The following PCDH15 variants were observed in gnomAD, a reference collection of about 807,000 sequenced individuals.
PCDH15 encodes protocadherin related 15, also known as protocadherin-15.
A neutral mutation model predicts 178.5 loss-of-function variants in PCDH15; 129 were observed. The observed-to-expected ratio is 0.72, with a 90% CI of 0.63 to 0.84. The LOEUF is 0.84. PCDH15 is among the 40% of genes least tolerant of loss of function. The pLI, the probability that PCDH15 is intolerant of heterozygous loss-of-function variation, is 0.00. For synonymous variants in PCDH15, 800 were observed against 732.0 expected (o/e 1.09, Z -1.50); for missense variants, 2,230 against 2,099.9 (o/e 1.06, Z -1.21).
intron 1 of PCDH15, among the ~76,000 whole-genome samples, chr10:54,774,283 C>T (rs1276836668): frequency 6.6e-6 from 1 of 151,988 alleles, no homozygotes. Flanking sequence ...CTGCCTCGGC[C>T]TCCCAAAGTG....
Position 53,918,713 on chromosome 10 carries a change from AACACACACAC to A in PCDH15, c.3374-15353_3374-15344del, listed in dbSNP as rs5741702. Among the ~76,000 whole-genome samples the A allele has an allele frequency of 7.1e-3, 1,045 of 147,058 alleles. 4 individuals carry two copies. Among genetic ancestry groups the A allele is most frequent in the African/African-American group, 0.015 (615 of 39,866 alleles). ...CTCTGTCCTTTAATGCAAATACACAAACACACACACACACACACACACACACACACACACA... is the reference window on the plus strand; with the variant it reads ...CTCTGTCCTTTAATGCAAATACACAAACACACACACACACACACACACACA... On this transcript the variant is annotated intron_variant, in intron 25 of 37. Transcript: ENST00000644397.
chr10:54,383,623 GTGTTTT>G (rs138936413), intron 3 of PCDH15, among the ~76,000 whole-genome samples: 34,118 of 112,890 alleles, frequency 0.3, 4,753 homozygotes, highest in East Asian at 0.68. Flanking sequence ...CCGTGTATGT[GTGTTTT>G]TGTGTGTGTG....
At chr10:53,824,786 C>T (rs1216228500) in intron 32 of PCDH15, among the ~76,000 whole-genome samples, 1 of 151,934 alleles carries the variant, frequency 6.6e-6, no homozygotes, top group Admixed American at 6.6e-5. Context: ...ATAACAATAT[C>T]ACATCACTTT....
At chr10:54,783,956 G>A (rs990197375) in intron 1 of PCDH15, among the ~76,000 whole-genome samples, 13 of 152,110 alleles carry the variant, frequency 8.5e-5, no homozygotes, top group Admixed American at 2.0e-4. Context: ...GAGGCATCAG[G>A]AAACTTACAA....
chr10:55,085,915 C>T (rs1007257523), intron 2 of PCDH15, among the ~76,000 whole-genome samples: 6 of 151,440 alleles, frequency 4.0e-5, no homozygotes, highest in African/African-American at 1.5e-4. Flanking sequence ...ATGTTGATGA[C>T]TATTTAGTTA....
At chr10:54,095,958 C>T (rs1024826149) in intron 15 of PCDH15, among the ~76,000 whole-genome samples, 4 of 152,058 alleles carry the variant, frequency 2.6e-5, no homozygotes, top group African/African-American at 9.7e-5. Flanking sequence ...CAAAATGACG[C>T]ATCCAAATAA....
At chr10:54,232,584 A>G (rs913763096) in intron 9 of PCDH15, among the ~76,000 whole-genome samples, 1 of 152,136 alleles carries the variant, frequency 6.6e-6, no homozygotes, top group African/African-American at 2.4e-5. Flanking sequence ...GTCTACCCCA[A>G]TTTTTTATTT....
chr10:54,745,337 G>T (rs561227194), intron 1 of PCDH15, among the ~76,000 whole-genome samples: 1 of 147,834 alleles, frequency 6.8e-6, no homozygotes, highest in African/African-American at 2.5e-5. Context: ...TCAAAGAAAA[G>T]ATTAAATGAG....
intron 1 of PCDH15, among the ~76,000 whole-genome samples, chr10:54,711,428 A>T (rs1021932690): frequency 2.0e-5 from 3 of 151,960 alleles, no homozygotes; most frequent in Non-Finnish European, 2.9e-5. Flanking sequence ...CTTGATTTAT[A>T]GGGAGTATAT....
chr10:54,843,299 G>T (rs1053347414), intron 3 of PCDH15, among the ~76,000 whole-genome samples: 2 of 151,908 alleles, frequency 1.3e-5, no homozygotes, highest in Non-Finnish European at 2.9e-5. Flanking sequence ...GCCAAACAAA[G>T]GTACCTCCTA....
intron 3 of PCDH15, among the ~76,000 whole-genome samples, chr10:54,464,652 T>C (rs1256366680): frequency 6.6e-6 from 1 of 152,196 alleles, no homozygotes; most frequent in Non-Finnish European, 1.5e-5. Context: ...TCAACATAGG[T>C]ACCTTATCCC....
intron 21 of PCDH15, among the ~76,000 whole-genome samples, chr10:53,987,678 CAGG>C (rs1358531672): frequency 1.3e-5 from 2 of 152,144 alleles, no homozygotes; most frequent in African/African-American, 4.8e-5. Flanking sequence ...AAGGCAGCAT[CAGG>C]AGACCAGAGG....
At chr10:55,517,675 T>C (rs1463829821) in intron 2 of PCDH15, among the ~76,000 whole-genome samples, 1 of 152,166 alleles carries the variant, frequency 6.6e-6, no homozygotes, top group African/African-American at 2.4e-5. Flanking sequence ...TAATAAAACT[T>C]AAGTTCATGC....
chr10:54,158,284 G>A (rs2045358555), intron 13 of PCDH15, among the ~76,000 whole-genome samples: 1 of 152,180 alleles, frequency 6.6e-6, no homozygotes, highest in Non-Finnish European at 1.5e-5. Context: ...TGGCGGGGAG[G>A]TCTCACAATC....
chr10:54,498,844 C>G (rs1425425288), intron 3 of PCDH15, among the ~76,000 whole-genome samples: 2 of 152,104 alleles, frequency 1.3e-5, no homozygotes, highest in African/African-American at 4.8e-5. Flanking sequence ...ACAGGCTATA[C>G]AGGAAGCACG....
intron 2 of PCDH15, among the ~76,000 whole-genome samples, chr10:55,071,110 G>A (rs1238742293): frequency 1.3e-5 from 2 of 152,078 alleles, no homozygotes; most frequent in East Asian, 1.9e-4. Context: ...ACTAAACATG[G>A]AAAGGAACAA....
chr10:55,010,272 C>T (rs1330856334), intron 2 of PCDH15, among the ~76,000 whole-genome samples: 3 of 151,960 alleles, frequency 2.0e-5, no homozygotes, highest in Non-Finnish European at 2.9e-5. Context: ...GACTAAGGGG[C>T]TATTATCCAT....
intron 21 of PCDH15, among the ~76,000 whole-genome samples, chr10:53,982,810 T>TA (rs959334660): frequency 1.3e-4 from 19 of 151,488 alleles, no homozygotes. Context: ...CCCTAAAACT[T>TA]AAAGTATAAT....
chr10:54,610,981 C>T (rs974221735), intron 2 of PCDH15, among the ~76,000 whole-genome samples: 1 of 151,754 alleles, frequency 6.6e-6, no homozygotes, highest in Non-Finnish European at 1.5e-5. Flanking sequence ...ATACTAGTAA[C>T]ATTCCTCCAG....
Sources: allele counts gnomAD v4.1 joint callset (sites outside exome capture counted in the v4.1 genomes callset), GRCh38; gene constraint gnomAD v4.1.1; transcripts MANE v1.5; gene names NCBI Gene and HGNC (gene_info 2026-07-23, HGNC 2026-07-21).